The following PARP1 variants were observed in gnomAD, a reference collection of about 807,000 sequenced individuals.
The protein encoded by PARP1 is poly [ADP-ribose] polymerase 1.
A neutral mutation model predicts 118.7 loss-of-function variants in PARP1; 44 were observed. The observed-to-expected ratio is 0.37, with a 90% CI of 0.29 to 0.48. The LOEUF is 0.48. Ranked by LOEUF, PARP1 falls within the 20% of genes least tolerant of loss-of-function variation. The pLI, the probability that PARP1 is intolerant of heterozygous loss-of-function variation, is 0.99. For synonymous variants in PARP1, 492 were observed against 483.2 expected, an observed-to-expected ratio of 1.02 and a Z score of -0.24; for missense variants, 1,100 against 1,272.4, an observed-to-expected ratio of 0.86 and a Z score of 2.06.
intron 3 of PARP1, among the ~76,000 whole-genome samples, chr1:226,391,569 T>A (rs181450842): frequency 5.1e-4 from 78 of 152,350 alleles, no homozygotes; most frequent in African/African-American, 1.8e-3. Flanking sequence ...TGAAGGTAGC[T>A]GGAGAAGATA....
At chr1:226,384,493 T>C (rs891197277) in intron 7 of PARP1, among the ~76,000 whole-genome samples, 3 of 152,250 alleles carry the variant, frequency 2.0e-5, no homozygotes, top group Non-Finnish European at 4.4e-5. Flanking sequence ...TGCTCTACAA[T>C]TGATATATAA....
At chr1:226,407,715 GCTCGCTCCCT>G in intron 1 of PARP1, 85 bp downstream of exon 1, 1 of 1,297,744 alleles carries the variant, frequency 7.7e-7, no homozygotes, top group Non-Finnish European at 1.0e-6. Context: ...GCCCGGGCCC[GCTCGCTCCCT>G]GGGCCCGCCC....
chr1:226,402,056 CAGG>C (rs757527595), intron 2 of PARP1, 155 bp downstream of exon 2: 3 of 1,551,982 alleles, frequency 1.9e-6, no homozygotes, highest in Non-Finnish European at 2.6e-6. Flanking sequence ...ATGCTGAGTC[CAGG>C]AGGTGTTGCT....
At chr1:226,378,133 C>T (rs1030239993) in intron 12 of PARP1, among the ~76,000 whole-genome samples, 6 of 152,266 alleles carry the variant, frequency 3.9e-5, no homozygotes, top group East Asian at 1.9e-4. Flanking sequence ...TAACAGCCTA[C>T]ACCACCCTTT....
At chr1:226,389,074 A>T (rs887710399) in intron 4 of PARP1, among the ~76,000 whole-genome samples, 10 of 141,086 alleles carry the variant, frequency 7.1e-5, no homozygotes, top group African/African-American at 2.4e-4. Flanking sequence ...GTCTGAGGTT[A>T]AAAAAAAAAA....
intron 21 of PARP1, among the ~76,000 whole-genome samples, chr1:226,362,444 A>G (rs1365878136): frequency 6.6e-6 from 1 of 152,152 alleles, no homozygotes; most frequent in Non-Finnish European, 1.5e-5. Flanking sequence ...ACCCAGCCTC[A>G]TGTGCTCATT....
intron 1 of PARP1, among the ~76,000 whole-genome samples, chr1:226,403,993 C>T (rs1458079787): frequency 6.6e-6 from 1 of 152,180 alleles, no homozygotes; most frequent in Non-Finnish European, 1.5e-5. Flanking sequence ...AAATGCACAG[C>T]TAAGACTATG....
intron 14 of PARP1, among the ~76,000 whole-genome samples, chr1:226,373,820 A>G (rs1387575389): frequency 1.3e-5 from 2 of 152,158 alleles, no homozygotes; most frequent in Non-Finnish European, 2.9e-5. Flanking sequence ...GAAGAAGGGG[A>G]AAAATACAAA....
rs114462312 is a variant in PARP1, at chr1:226,371,326, G to A, written c.2071-809C>T. 6.6e-3 allele frequency among the ~76,000 whole-genome samples: 1,010 copies of A among 152,326 alleles called. 14 individuals carry two copies. Among genetic ancestry groups the A allele is most frequent in the African/African-American group, 0.023 (955 of 41,566 alleles). On this transcript the variant is annotated intron_variant, in intron 14 of 22. Transcript: ENST00000366794. ...GACCCTTCTGAGCTCCCTGGGGGCC[G>A]TGACTGCGCCTTTCCATTTCTGCAT...
chr1:226,367,167 GAAAC>G lies in PARP1; in HGVS notation c.2406+309_2406+312del, dbSNP rs56052523. On this transcript the variant is annotated intron_variant, in intron 17 of 22. Transcript: ENST00000366794. ...GAGCTCCTCTCTAGATTAAGGAGAG[GAAAC>G]AAACAAACAAACAAACAAAAAAGAA... is the stretch of plus-strand genomic sequence containing the variant. 2,051 of 408,404 alleles carry G rather than the reference GAAAC, an allele frequency of 5.0e-3. 16 individuals are homozygous for G. The highest frequency in any genetic ancestry group is 6.8e-3 in the Non-Finnish European group (1,470 of 216,780). The allele number at this position is 408,404 out of a possible 1,614,324, so 25.3% of individuals were successfully genotyped here.
chr1:226,388,579 T>A, intron 5 of PARP1, 77 bp downstream of exon 5: 1 of 1,036,642 alleles, frequency 9.6e-7, no homozygotes, highest in South Asian at 1.3e-5. Context: ...ACACAACTCC[T>A]TGAATTGTCT....
intron 13 of PARP1, among the ~76,000 whole-genome samples, chr1:226,375,333 T>A (rs1224483588): frequency 6.6e-6 from 1 of 152,204 alleles, no homozygotes; most frequent in Admixed American, 6.5e-5. Flanking sequence ...ACCCAGTACC[T>A]ACTTGTAATG....
At position 226,379,186 on chromosome 1, in the gene PARP1, G is replaced by A. The variant is rs1664552622; in HGVS notation, c.1701C>T (p.Asn567=). 6.2e-7 allele frequency: 1 copy of A among 1,614,240 alleles called. No homozygotes were observed. Among genetic ancestry groups the A allele is most frequent in the Non-Finnish European group, 8.5e-7 (1 of 1,180,034 alleles). The part of the protein sequence containing the change: ...LGLVDIVKGT[N]SYYKLQLLED... ...CCAGAAGCTGCAGCTTGTAGTAGGA[G>A]TTGGTTCCTTTAACGATGTCCACCA... The change falls in exon 12 of 23, where the codon AAC becomes AAT. Residue 567 remains asparagine, a synonymous_variant. Coordinates refer to ENST00000366794, the MANE Select transcript of PARP1 (RefSeq NM_001618.4).
In PARP1 at chr1:226,385,610, A is replaced by G. The variant is rs1280744973; in HGVS notation, c.905T>C (p.Leu302Pro). 1 of 1,614,058 alleles carries G rather than the reference A, an allele frequency of 6.2e-7. No homozygotes were observed. Among genetic ancestry groups the G allele is most frequent in the Non-Finnish European group, 8.5e-7 (1 of 1,180,000 alleles). The change falls in exon 7 of 23, where the codon CTG becomes CCG. Residue 302 changes from leucine to proline, a missense_variant. Around this residue, in one of 2 missense-constraint regions of PARP1, gnomAD observed 948 missense variants for 1,031.8 expected, o/e 0.92. Coordinates refer to ENST00000366794, the MANE Select transcript of PARP1 (RefSeq NM_001618.4). ...LLPCEECSGQ[L>P]VFKSDAYYCT... ...GTAATAGGCATCGCTCTTGAAGACCAGCTGACCCGAGCATTCCTCGCAGGG... is the reference window on the plus strand; with the variant it reads ...GTAATAGGCATCGCTCTTGAAGACCGGCTGACCCGAGCATTCCTCGCAGGG...
rs1664572078 is a variant in PARP1, at chr1:226,379,978, C to T, written c.1487G>A (p.Arg496Lys). 6.2e-7 allele frequency: 1 copy of T among 1,614,232 alleles called. No homozygotes were observed. The highest frequency in any genetic ancestry group is 1.1e-5 in the South Asian group (1 of 91,084). Residue 496 changes from arginine (R) to lysine (K), a missense_variant, in exon 10 of 23, where the codon AGA (arginine) becomes AAA (lysine). By Grantham distance (26) the Arg-to-Lys change is conservative. This residue lies in a region of PARP1 where 948 missense variants were observed against 1,031.8 expected (regional missense o/e 0.92). Coordinates refer to ENST00000366794, the MANE Select transcript of PARP1 (RefSeq NM_001618.4). The part of the protein sequence containing the change: ...KAEPVEVVAP[R>K]GKSGAALSKK... ...GGAGAGCGCAGCCCCTGACTTCCCT[C>T]TTGGGGCCACAACTTCAACAGGCTC...
In PARP1 at chr1:226,367,516, G is replaced by T. The variant is rs148234314; in HGVS notation, c.2370C>A (p.Ile790=). Residue 790 remains isoleucine, a synonymous_variant, in exon 17 of 23, where the codon ATC becomes ATA. Coordinates refer to ENST00000366794, the MANE Select transcript of PARP1 (RefSeq NM_001618.4). ...TTTTGAGCTTCTCATAGTTGACATC[G>T]ATGGGATCCTTGCTGCTATCATCAG... ...GGSDDSSKDP[I]DVNYEKLKTD... The T allele has an allele frequency of 1.1e-4, 173 of 1,613,962 alleles. No individual in the cohort carries two copies. The highest frequency in any genetic ancestry group is 1.4e-4 in the Non-Finnish European group (167 of 1,180,006).
intron 3 of PARP1, 63 bp from the exon 4 acceptor site, chr1:226,390,687 G>T: frequency 6.8e-7 from 1 of 1,463,556 alleles, no homozygotes; most frequent in East Asian, 2.4e-5. Flanking sequence ...ACATGATACG[G>T]GCAGCCTGTG....
In PARP1 at chr1:226,367,616, A is replaced by G. The variant is rs368385366; in HGVS notation, c.2278-8T>C. ...AAGCATTTCCACCTTGGCCTGGAGGAGCAAAAGAAAGCCCCCGACTTAGGT... is the reference window on the plus strand; with the variant it reads ...AAGCATTTCCACCTTGGCCTGGAGGGGCAAAAGAAAGCCCCCGACTTAGGT... On this transcript the variant is annotated splice_region_variant and splice_polypyrimidine_tract_variant and intron_variant, in intron 16 of 22. Transcript: ENST00000366794. 4 of 1,613,856 alleles carry G rather than the reference A, an allele frequency of 2.5e-6. No homozygotes were observed. The highest frequency in any genetic ancestry group is 2.5e-6 in the Non-Finnish European group (3 of 1,180,036).
intron 4 of PARP1, 96 bp downstream of exon 4, chr1:226,390,314 G>C (rs1411822467): frequency 9.4e-7 from 1 of 1,059,806 alleles, no homozygotes; most frequent in African/African-American, 1.6e-5. Flanking sequence ...AGTCAGCGAA[G>C]GGAAACAGAG....
Sources: gnomAD v4.1 joint callset for allele counts (sites outside exome capture counted in the v4.1 genomes callset) on GRCh38, gnomAD v4.1.1 for gene constraint, gnomAD v4.1.1 regional missense constraint, MANE v1.5 for transcripts, NCBI Gene and HGNC (gene_info 2026-07-23, HGNC 2026-07-21) for gene names.